Variants in FER observed in about 807,000 individuals in gnomAD.
The protein encoded by FER is tyrosine-protein kinase Fer.
Under a neutral mutation model 111.0 loss-of-function variants are expected in FER, and 63 were observed. That is an observed-to-expected ratio of 0.57 (90% CI 0.46 to 0.70). The LOEUF (loss-of-function observed/expected upper bound fraction) is 0.70, where lower values mean the gene tolerates loss of function less well. FER is among the 30% of genes least tolerant of loss of function. The pLI, the probability that FER is intolerant of heterozygous loss-of-function variation, is 0.00. For missense variants in FER, 914 were observed against 954.0 expected (o/e 0.96, Z 0.55); for synonymous variants, 327 against 313.9 (o/e 1.04, Z -0.44).
intron 13 of FER, among the ~76,000 whole-genome samples, chr5:109,020,324 T>C (rs1767755408): frequency 6.6e-6 from 1 of 151,966 alleles, no homozygotes; most frequent in African/African-American, 2.4e-5. Context: ...TATAGTCATA[T>C]ATAATAAAGC....
chr5:108,889,187 A>G (rs1030216709), intron 9 of FER, among the ~76,000 whole-genome samples: 12 of 151,976 alleles, frequency 7.9e-5, no homozygotes, highest in African/African-American at 2.9e-4. Flanking sequence ...CTACCATGCC[A>G]TCCAGCAATC....
At chr5:108,780,201 A>G (rs1753902466) in intron 2 of FER, among the ~76,000 whole-genome samples, 1 of 152,110 alleles carries the variant, frequency 6.6e-6, no homozygotes, top group African/African-American at 2.4e-5. Flanking sequence ...ACTTTTCTTT[A>G]TATAGATCTC....
At chr5:108,760,454 A>G (rs1337271673) in intron 1 of FER, among the ~76,000 whole-genome samples, 2 of 152,146 alleles carry the variant, frequency 1.3e-5, no homozygotes, top group Non-Finnish European at 2.9e-5. Context: ...CCCAGATGAC[A>G]TTTTCTTTCT....
intron 5 of FER, among the ~76,000 whole-genome samples, chr5:108,860,199 C>G (rs1384652751): frequency 3.9e-5 from 6 of 151,946 alleles, no homozygotes; most frequent in Admixed American, 1.3e-4. Flanking sequence ...CCTCAGTCCC[C>G]CAAAGTGCTG....
chr5:109,044,319 C>T (rs112209850), intron 14 of FER, among the ~76,000 whole-genome samples: 30,345 of 151,498 alleles, frequency 0.2, 3,179 homozygotes, highest in South Asian at 0.25. Context: ...GCTGGGACTA[C>T]AGGCGCCCGC....
At chr5:109,179,724 T>C (rs945252903) in intron 17 of FER, among the ~76,000 whole-genome samples, 1 of 152,174 alleles carries the variant, frequency 6.6e-6, no homozygotes, top group African/African-American at 2.4e-5. Flanking sequence ...GTATTATGTA[T>C]TATAAGTAAT....
At chr5:109,121,892 C>T (rs56227556) in intron 17 of FER, among the ~76,000 whole-genome samples, 26,625 of 151,980 alleles carry the variant, frequency 0.18, 2,441 homozygotes, top group Non-Finnish European at 0.2. Context: ...TATAGTTCCT[C>T]ATAGTAGCCG....
intron 5 of FER, among the ~76,000 whole-genome samples, chr5:108,843,672 G>T (rs925110687): frequency 6.6e-6 from 1 of 151,676 alleles, no homozygotes; most frequent in Admixed American, 6.6e-5. Flanking sequence ...GGGGCTACAG[G>T]TGTGCGCCAC....
intron 18 of FER, among the ~76,000 whole-genome samples, chr5:109,185,991 G>T (rs1758816615): frequency 2.6e-5 from 4 of 152,168 alleles, no homozygotes; most frequent in Non-Finnish European, 5.9e-5. Context: ...AAGGTAATGT[G>T]TTATACTATG....
intron 9 of FER, among the ~76,000 whole-genome samples, chr5:108,889,751 C>A (rs1314854280): frequency 1.3e-5 from 2 of 151,874 alleles, no homozygotes; most frequent in Non-Finnish European, 2.9e-5. Flanking sequence ...ACATCACATG[C>A]TTTTATCAAA....
intron 17 of FER, among the ~76,000 whole-genome samples, chr5:109,176,207 A>G (rs1757671451): frequency 1.3e-5 from 2 of 152,336 alleles, no homozygotes; most frequent in South Asian, 2.1e-4. Flanking sequence ...TTAAAGCACT[A>G]TTCACAATAG....
At chr5:109,021,715 A>G (rs1216329875) in intron 13 of FER, among the ~76,000 whole-genome samples, 1 of 152,122 alleles carries the variant, frequency 6.6e-6, no homozygotes, top group East Asian at 1.9e-4. Flanking sequence ...TATGTCTTCT[A>G]TGAATAAGAT....
intron 17 of FER, among the ~76,000 whole-genome samples, chr5:109,123,255 A>C (rs1751238816): frequency 1.4e-5 from 2 of 147,188 alleles, no homozygotes; most frequent in South Asian, 4.3e-4. Flanking sequence ...TCCCGGGTTC[A>C]CGCCATTCTC....
chr5:108,896,070 T>C (rs1311700003), intron 9 of FER, among the ~76,000 whole-genome samples: 2 of 152,176 alleles, frequency 1.3e-5, no homozygotes, highest in East Asian at 3.8e-4. Context: ...CACCTTTTTG[T>C]GACTGATATT....
intron 16 of FER, among the ~76,000 whole-genome samples, chr5:109,063,574 C>T (rs1006797261): frequency 6.6e-6 from 1 of 152,130 alleles, no homozygotes; most frequent in Non-Finnish European, 1.5e-5. Context: ...TAACCCATTG[C>T]CAATTATATT....
At chr5:109,117,273 G>A (rs993733646) in intron 17 of FER, among the ~76,000 whole-genome samples, 4 of 152,050 alleles carry the variant, frequency 2.6e-5, no homozygotes, top group Admixed American at 1.3e-4. Context: ...TGAAATCATT[G>A]TATAAGATTC....
chr5:108,900,127 G>T (rs1233693994), intron 10 of FER, among the ~76,000 whole-genome samples: 1 of 152,078 alleles, frequency 6.6e-6, no homozygotes, highest in East Asian at 1.9e-4. Context: ...TTTTGTAAAA[G>T]AATACTATAA....
intron 17 of FER, among the ~76,000 whole-genome samples, chr5:109,157,562 T>A (rs1471230528): frequency 6.6e-6 from 1 of 152,006 alleles, no homozygotes; most frequent in Non-Finnish European, 1.5e-5. Context: ...CCCTAATGAG[T>A]CTGCCTCTGT....
rs1759547130 is a variant in FER, at chr5:109,193,847, T to A, written c.*6272T>A. The A allele has an allele frequency of 6.6e-6, 1 of 152,166 alleles. No individual in the cohort carries two copies. The highest frequency in any genetic ancestry group is 1.5e-5 in the Non-Finnish European group (1 of 68,034). The allele number at this position is 152,166 out of a possible 1,614,324, so 9.4% of individuals were successfully genotyped here. ...GGGGGCCCCTAGCCTTCTAAGGAAC[T>A]CCCAGGCACCTACTTAACAAGGCCA... On this transcript the variant is annotated 3_prime_UTR_variant, in exon 20 of 20. Transcript: ENST00000281092.
Sources: allele counts gnomAD v4.1 joint callset (sites outside exome capture counted in the v4.1 genomes callset), GRCh38; gene constraint gnomAD v4.1.1; transcripts MANE v1.5; gene names NCBI Gene and HGNC (gene_info 2026-07-23, HGNC 2026-07-21).